Variants in TP63 observed in about 807,000 individuals in gnomAD.
TP63 encodes the protein tumor protein p63, also known as tumor protein 63.
Under a neutral mutation model 82.8 loss-of-function variants are expected in TP63, and 17 were observed. The observed-to-expected ratio is 0.21, with a 90% CI of 0.14 to 0.31. TP63 has a LOEUF of 0.31. Among genes scored for constraint, TP63 ranks in the 10% least tolerant of loss-of-function variants. The pLI, the probability that TP63 is intolerant of heterozygous loss-of-function variation, is 1.00. For synonymous variants in TP63, 330 were observed against 321.7 expected, an observed-to-expected ratio of 1.03 and a Z score of -0.28; for missense variants, 648 against 895.3, an observed-to-expected ratio of 0.72 and a Z score of 3.52.
intron 10 of TP63, chr3:189,880,591 C>G: frequency 1.0e-6 from 1 of 986,250 alleles, no homozygotes; most frequent in Non-Finnish European, 1.2e-6. Context: ...CTTAAGATGT[C>G]TTTTTAAGAA....
rs71175304 is a variant in TP63, at chr3:189,694,790, C to CTTTTTTTTTTTTTTTTT, written c.63-42933_63-42917dup. On this transcript the variant is annotated intron_variant, in intron 1 of 13. Transcript: ENST00000264731. ...TTGAAAGGAGGCCAGTATTTACAGC[C>CTTTTTTTTTTTTTTTTT]TTTTTTTTTTTTTTTTTTTTTTTTT... 1.6e-3 allele frequency among the ~76,000 whole-genome samples: 54 copies of CTTTTTTTTTTTTTTTTT among 32,756 alleles called. 16 individuals are homozygous for CTTTTTTTTTTTTTTTTT. Among genetic ancestry groups the CTTTTTTTTTTTTTTTTT allele is most frequent in the Admixed American group, 2.8e-3 (4 of 1,408 alleles). The allele number at this position is 32,756 out of a possible 152,430, so 21.5% of individuals were successfully genotyped here. A position where few individuals can be genotyped will look rare whatever the true frequency, so the allele number is the denominator to read the frequency against.
At chr3:189,704,438 G>T (rs541228034) in intron 1 of TP63, among the ~76,000 whole-genome samples, 2 of 152,258 alleles carry the variant, frequency 1.3e-5, no homozygotes, top group South Asian at 2.1e-4. Flanking sequence ...CTATTGTTCA[G>T]ATTTCACTTT....
chr3:189,838,882 C>A lies in TP63; in HGVS notation c.580-25350C>A, dbSNP rs145221527. On this transcript the variant is annotated intron_variant, in intron 4 of 13. Coordinates refer to ENST00000264731, the MANE Select transcript of TP63 (RefSeq NM_003722.5). ...AGAATAAAGAAACTCAGCAATTTGCCTATAGGATAGTAGAGCCTTGAACTA... is the reference window on the plus strand; with the variant it reads ...AGAATAAAGAAACTCAGCAATTTGCATATAGGATAGTAGAGCCTTGAACTA... 4.0e-3 allele frequency among the ~76,000 whole-genome samples: 611 copies of A among 151,810 alleles called. 13 individuals carry two copies. The highest frequency in any genetic ancestry group is 0.036 in the Admixed American group (549 of 15,242).
intron 3 of TP63, among the ~76,000 whole-genome samples, chr3:189,747,402 C>T (rs1038459319): frequency 6.6e-6 from 1 of 151,690 alleles, no homozygotes; most frequent in African/African-American, 2.4e-5. Flanking sequence ...CAAGTTTCTT[C>T]ATAGACAACA....
intron 5 of TP63, among the ~76,000 whole-genome samples, chr3:189,864,795 A>G (rs1717493367): frequency 1.3e-5 from 2 of 152,014 alleles, no homozygotes; most frequent in Admixed American, 1.3e-4. Context: ...TCATGAGGTC[A>G]GGAGATCGAG....
intron 11 of TP63, among the ~76,000 whole-genome samples, chr3:189,887,619 T>C (rs1255081522): frequency 6.6e-6 from 1 of 152,206 alleles, no homozygotes; most frequent in Non-Finnish European, 1.5e-5. Flanking sequence ...AAAAAAGTCG[T>C]GGTAAAAATG....
chr3:189,807,501 G>T (rs1727038918), intron 3 of TP63, among the ~76,000 whole-genome samples: 1 of 152,094 alleles, frequency 6.6e-6, no homozygotes, highest in South Asian at 2.1e-4. Flanking sequence ...ATGTATTTTT[G>T]AATTATATTG....
At chr3:189,677,968 G>A (rs1715592341) in intron 1 of TP63, among the ~76,000 whole-genome samples, 1 of 151,912 alleles carries the variant, frequency 6.6e-6, no homozygotes. Context: ...TTGTTATGAT[G>A]TTGGAGTTAC....
chr3:189,672,718 C>A (rs148475163), intron 1 of TP63, among the ~76,000 whole-genome samples: 49 of 126,500 alleles, frequency 3.9e-4, no homozygotes, highest in Middle Eastern at 0.01. Flanking sequence ...AGAAGGAAGG[C>A]AGGCAGGCAG....
At chr3:189,795,292 G>A (rs996107156) in intron 3 of TP63, among the ~76,000 whole-genome samples, 11 of 151,990 alleles carry the variant, frequency 7.2e-5, no homozygotes, top group African/African-American at 2.7e-4. Flanking sequence ...ACTTATAATA[G>A]TCACTGTTAT....
At chr3:189,858,425 A>AG (rs1716581374) in intron 4 of TP63, among the ~76,000 whole-genome samples, 1 of 13,814 alleles carries the variant, frequency 7.2e-5, no homozygotes, top group Non-Finnish European at 1.7e-4. Flanking sequence ...AAAAAAAAAA[A>AG]AAAAGAAAAT....
At chr3:189,805,437 A>G (rs1726778901) in intron 3 of TP63, among the ~76,000 whole-genome samples, 1 of 152,268 alleles carries the variant, frequency 6.6e-6, no homozygotes, top group Non-Finnish European at 1.5e-5. Context: ...CAGGAGATTT[A>G]TAAATCAGAA....
At chr3:189,665,941 C>G (rs142864951) in intron 1 of TP63, among the ~76,000 whole-genome samples, 19 of 151,768 alleles carry the variant, frequency 1.3e-4, no homozygotes, top group African/African-American at 4.3e-4. Flanking sequence ...GAAATGCAAC[C>G]AGAAACTTTA....
intron 1 of TP63, among the ~76,000 whole-genome samples, chr3:189,697,989 T>C (rs1213767988): frequency 2.6e-5 from 4 of 152,100 alleles, no homozygotes; most frequent in Non-Finnish European, 4.4e-5. Context: ...AAACCAGTTT[T>C]ATATATTTCT....
intron 1 of TP63, among the ~76,000 whole-genome samples, chr3:189,734,998 A>G (rs1720471805): frequency 6.6e-6 from 1 of 152,126 alleles, no homozygotes; most frequent in Non-Finnish European, 1.5e-5. Context: ...TACTCCTCAA[A>G]ACACTAAAAT....
chr3:189,691,763 A>G (rs889624049), intron 1 of TP63, among the ~76,000 whole-genome samples: 4 of 152,144 alleles, frequency 2.6e-5, no homozygotes, highest in Non-Finnish European at 1.5e-5. Flanking sequence ...TTTCCTTCTA[A>G]AGACCATTCT....
At chr3:189,615,874 G>T in the TP63 span, among the ~76,000 whole-genome samples, 3 of 152,218 alleles carry the variant, frequency 2.0e-5, no homozygotes, top group African/African-American at 7.2e-5. Flanking sequence ...GTCATTTTTG[G>T]CCTTCAACCA....
intron 4 of TP63, among the ~76,000 whole-genome samples, chr3:189,826,015 A>G (rs1242700510): frequency 6.6e-6 from 1 of 152,186 alleles, no homozygotes; most frequent in East Asian, 1.9e-4. Flanking sequence ...CATGGAGGAC[A>G]GGGCAGAAAA....
chr3:189,889,751 C>T (rs1459681280), intron 12 of TP63, among the ~76,000 whole-genome samples: 2 of 152,194 alleles, frequency 1.3e-5, no homozygotes, highest in African/African-American at 4.8e-5. Flanking sequence ...TTACTCCCTT[C>T]CTCCTCTCTC....
Sources: allele counts gnomAD v4.1 joint callset (sites outside exome capture counted in the v4.1 genomes callset), GRCh38; gene constraint gnomAD v4.1.1; transcripts MANE v1.5; gene names NCBI Gene and HGNC (gene_info 2026-07-23, HGNC 2026-07-21).